The following TOX variants were observed in gnomAD, a reference collection of about 807,000 sequenced individuals.
TOX encodes thymocyte selection-associated high mobility group box protein TOX.
TOX carries 11 observed loss-of-function variants against 53.7 expected under a neutral mutation model. The observed-to-expected ratio is 0.20, with a 90% confidence interval of 0.13 to 0.34. The LOEUF (loss-of-function observed/expected upper bound fraction) is 0.34. Among genes scored for constraint, TOX ranks in the 10% least tolerant of loss-of-function variants. The pLI is 1.00. For missense variants in TOX, 570 were observed against 664.6 expected (o/e 0.86, Z 1.56); for synonymous variants, 225 against 245.3 (o/e 0.92, Z 0.77).
At chr8:58,972,512 G>A (rs187538820) in intron 1 of TOX, among the ~76,000 whole-genome samples, 9 of 152,244 alleles carry the variant, frequency 5.9e-5, no homozygotes, top group Admixed American at 2.0e-4. Context: ...ATAGTAGTAC[G>A]ACATAGGATG....
intron 3 of TOX, among the ~76,000 whole-genome samples, chr8:58,875,642 T>C (rs552936469): frequency 3.9e-5 from 6 of 152,184 alleles, no homozygotes; most frequent in African/African-American, 1.2e-4. Context: ...TGGTTCAGTA[T>C]CTTTGAAATT....
At chr8:58,924,018 T>A (rs539206590) in intron 3 of TOX, among the ~76,000 whole-genome samples, 1 of 152,314 alleles carries the variant, frequency 6.6e-6, no homozygotes, top group African/African-American at 2.4e-5. Flanking sequence ...ACTTTTATAT[T>A]CCATGAAGCT....
At chr8:59,115,029 T>C (rs1004992158) in intron 1 of TOX, among the ~76,000 whole-genome samples, 2 of 152,272 alleles carry the variant, frequency 1.3e-5, no homozygotes, top group East Asian at 1.9e-4. Context: ...CTCATTTCAA[T>C]GATAAAAGCT....
intron 5 of TOX, among the ~76,000 whole-genome samples, chr8:58,827,209 G>T (rs769915170): frequency 4.2e-4 from 64 of 152,032 alleles, no homozygotes; most frequent in Non-Finnish European, 8.5e-4. Context: ...TATTGATGAA[G>T]GTTCCCAGGG....
At chr8:58,963,343 G>GATAGATAGA (rs1563402397) in intron 1 of TOX, among the ~76,000 whole-genome samples, 1 of 110,198 alleles carries the variant, frequency 9.1e-6, no homozygotes, top group African/African-American at 3.7e-5. Flanking sequence ...AGATAGATAG[G>GATAGATAGA]TAGATAGATA....
chr8:58,918,658 CCT>C lies in TOX; in HGVS notation c.411+20642_411+20643del, dbSNP rs1164343040. Among the ~76,000 whole-genome samples, 4 of 51,350 alleles carry C rather than the reference CCT, an allele frequency of 7.8e-5. No homozygotes were observed. The East Asian group carries it at 1.6e-3, about 20-fold the overall frequency. 33.7% of individuals were successfully genotyped at this position (51,350 alleles called of 152,430 possible). ...GAAAACTGGCACAAGACAGGGATGT[CCT>C]CTCTCACCGCTCCTATTCAACATAG... On this transcript the variant is annotated intron_variant, in intron 3 of 8. Coordinates refer to ENST00000361421, the MANE Select transcript of TOX (RefSeq NM_014729.3).
chr8:59,000,285 A>T (rs1406447014), intron 1 of TOX, among the ~76,000 whole-genome samples: 2 of 152,206 alleles, frequency 1.3e-5, no homozygotes, highest in Admixed American at 1.3e-4. Context: ...GATATTGAAG[A>T]GAAAGTGATA....
chr8:58,830,328 C>G (rs1215439940), intron 5 of TOX, among the ~76,000 whole-genome samples: 2 of 152,080 alleles, frequency 1.3e-5, no homozygotes, highest in African/African-American at 4.8e-5. Context: ...ATCTCAGTGG[C>G]TAAACTAAAA....
At chr8:59,002,447 C>A (rs1177101896) in intron 1 of TOX, among the ~76,000 whole-genome samples, 2 of 150,764 alleles carry the variant, frequency 1.3e-5, no homozygotes, top group South Asian at 2.1e-4. Context: ...AAAAAATTAG[C>A]GGAGCGTGGT....
intron 1 of TOX, among the ~76,000 whole-genome samples, chr8:58,973,861 G>A (rs1173263853): frequency 1.3e-5 from 2 of 151,774 alleles, no homozygotes; most frequent in African/African-American, 4.8e-5. Context: ...GTAGTGGCGC[G>A]ATCTCAGCTC....
At chr8:59,111,412 A>T (rs1466220764) in intron 1 of TOX, among the ~76,000 whole-genome samples, 1 of 152,190 alleles carries the variant, frequency 6.6e-6, no homozygotes, top group Non-Finnish European at 1.5e-5. Flanking sequence ...GTAACCAGGC[A>T]TTCCCAGTAG....
chr8:58,912,627 TA>T (rs1811927045), intron 3 of TOX, among the ~76,000 whole-genome samples: 1 of 152,228 alleles, frequency 6.6e-6, no homozygotes, highest in Non-Finnish European at 1.5e-5. Context: ...TTTATCTTTT[TA>T]ACAAGTTTCC....
chr8:58,823,102 CA>C (rs1186361931), intron 6 of TOX, among the ~76,000 whole-genome samples: 2 of 152,182 alleles, frequency 1.3e-5, no homozygotes, highest in Non-Finnish European at 2.9e-5. Flanking sequence ...TTGGAAGTTA[CA>C]AAAGCGAGAA....
intron 1 of TOX, among the ~76,000 whole-genome samples, chr8:59,069,070 A>G (rs1404585732): frequency 1.3e-5 from 2 of 152,200 alleles, no homozygotes; most frequent in African/African-American, 4.8e-5. Flanking sequence ...CGACATGGCC[A>G]GGAGTTGGGA....
chr8:58,907,063 A>T (rs1161703814), intron 3 of TOX, among the ~76,000 whole-genome samples: 1 of 152,242 alleles, frequency 6.6e-6, no homozygotes, highest in Non-Finnish European at 1.5e-5. Context: ...CCAAGCTGCT[A>T]GAACCCAGGA....
chr8:58,928,943 A>G (rs536832607), intron 3 of TOX, among the ~76,000 whole-genome samples: 1 of 152,296 alleles, frequency 6.6e-6, no homozygotes, highest in African/African-American at 2.4e-5. Flanking sequence ...GGGTTGGATC[A>G]TATTTTTATT....
chr8:58,925,959 A>G (rs899305022), intron 3 of TOX, among the ~76,000 whole-genome samples: 1 of 152,160 alleles, frequency 6.6e-6, no homozygotes, highest in Non-Finnish European at 1.5e-5. Flanking sequence ...CTGTGTATGC[A>G]TAAGAGGGTC....
At chr8:59,005,219 T>C (rs1333395658) in intron 1 of TOX, among the ~76,000 whole-genome samples, 1 of 152,104 alleles carries the variant, frequency 6.6e-6, no homozygotes, top group Non-Finnish European at 1.5e-5. Flanking sequence ...TTTGTATTTT[T>C]AGTAGAGACG....
chr8:59,059,137 T>G (rs1803934839), intron 1 of TOX, among the ~76,000 whole-genome samples: 1 of 152,216 alleles, frequency 6.6e-6, no homozygotes, highest in Non-Finnish European at 1.5e-5. Context: ...TTTAAGTAGA[T>G]AATGAGGGTG....
Sources: allele counts gnomAD v4.1 joint callset (sites outside exome capture counted in the v4.1 genomes callset), GRCh38; gene constraint gnomAD v4.1.1; transcripts MANE v1.5; gene names NCBI Gene and HGNC (gene_info 2026-07-23, HGNC 2026-07-21).